PML: variants seen among roughly 807,000 people sequenced by gnomAD.
The protein encoded by PML is PML nuclear body scaffold, also known as protein PML.
Under a neutral mutation model 65.2 loss-of-function variants are expected in PML, and 28 were observed. The observed-to-expected ratio is 0.43, with a 90% CI of 0.32 to 0.59. The LOEUF (loss-of-function observed/expected upper bound fraction) is 0.59, where lower values mean the gene tolerates loss of function less well. PML is among the 20% of genes least tolerant of loss of function. The pLI is 0.08. For missense variants in PML, 1,021 were observed against 1,203.4 expected, an observed-to-expected ratio of 0.85 and a Z score of 2.24; for synonymous variants, 500 against 508.8, an observed-to-expected ratio of 0.98 and a Z score of 0.23.
chr15:74,038,623 A>G (rs368788291), intron 7 of PML, among the ~76,000 whole-genome samples: 16 of 152,144 alleles, frequency 1.1e-4, no homozygotes, highest in African/African-American at 3.6e-4. Context: ...CCCAGAGTAC[A>G]CCCAGCACCA....
At position 74,044,668 on chromosome 15, in the gene PML, A is replaced by G; in HGVS notation, c.2309A>G (p.Tyr770Cys). The change falls in exon 9 of 9, where the codon TAC (tyrosine) becomes TGC (cysteine). Residue 770 changes from tyrosine to cysteine, a missense_variant. Coordinates refer to ENST00000268058, the MANE Select transcript of PML (RefSeq NM_033238.3). Reference protein sequence around the residue: ...SPGPQLAQHVYPFSSLQCFAS... With the variant: ...SPGPQLAQHVCPFSSLQCFAS... ...GGCCCCCAGCTGGCCCAGCATGTCT[A>G]CCCCTTCAGTAGCCTGCAGTGCTTT... 1 of 1,605,734 alleles carries G rather than the reference A, an allele frequency of 6.2e-7. No homozygotes were observed. The highest frequency in any genetic ancestry group is 8.5e-7 in the Non-Finnish European group (1 of 1,179,876).
intron 2 of PML, among the ~76,000 whole-genome samples, chr15:74,006,390 C>CAAAAAAAAAAAAAAAA (rs372202858): frequency 4.6e-5 from 4 of 87,502 alleles, no homozygotes; most frequent in Admixed American, 2.8e-4. Context: ...GACTCCGTCT[C>CAAAAAAAAAAAAAAAA]AAAAAAAAAA....
At chr15:73,999,321 G>A (rs548906463) in intron 2 of PML, among the ~76,000 whole-genome samples, 4 of 152,288 alleles carry the variant, frequency 2.6e-5, no homozygotes, top group African/African-American at 9.6e-5. Flanking sequence ...GGCGCTTCTT[G>A]GTTCTTAGAG....
In PML at chr15:74,023,068, G is replaced by A. The variant is rs2070913165; in HGVS notation, c.843G>A (p.Glu281=). ...CCGAGACCGAGGAGCTGATCCGCGA[G>A]CGCGTGCGCCAGGTGGTAGCTCACG... ...ARAETEELIR[E]RVRQVVAHVR... is the part of the protein sequence containing the mutation. The change falls in exon 3 of 9, where the codon GAG becomes GAA. Residue 281 remains glutamate (E), a synonymous_variant. Coordinates refer to ENST00000268058, the MANE Select transcript of PML (RefSeq NM_033238.3). The A allele has an allele frequency of 6.2e-7, 1 of 1,602,804 alleles. No individual in the cohort carries two copies. The highest frequency in any genetic ancestry group is 1.3e-5 in the African/African-American group (1 of 74,854).
At position 74,035,035 on chromosome 15, in the gene PML, T is replaced by C. The variant is rs2071481808; in HGVS notation, c.1710+505T>C. 2.7e-6 allele frequency: 4 copies of C among 1,480,302 alleles called. No homozygotes were observed. In the South Asian group the frequency reaches 4.5e-5, roughly 17 times the overall value. The allele number at this position is 1,480,302 out of a possible 1,614,324, so 91.7% of individuals were successfully genotyped here. On this transcript the variant is annotated intron_variant, in intron 7 of 8. Transcript: ENST00000268058. The surrounding 1 kb of genome is among the most constrained non-coding windows in gnomAD (Gnocchi z 4.1). Reference sequence around the variant, plus strand: ...GTGGCCTCGTGGGTAGTGACCCTTCTGTCCCTAGAGGTTTATTACTAGAGG... The same window carrying C: ...GTGGCCTCGTGGGTAGTGACCCTTCCGTCCCTAGAGGTTTATTACTAGAGG...
chr15:74,046,588 A>C lies in PML; in HGVS notation c.*1580A>C. 4.3e-6 allele frequency: 1 copy of C among 232,726 alleles called. No homozygotes were observed. Among genetic ancestry groups the C allele is most frequent in the Non-Finnish European group, 8.5e-6 (1 of 117,662 alleles). 14.4% of individuals were successfully genotyped at this position (232,726 alleles called of 1,614,324 possible). A position where few individuals can be genotyped will look rare whatever the true frequency, so the allele number is the denominator to read the frequency against. The stretch of plus-strand genomic sequence containing the variant: ...ATTTAAAATAAGATTCTGATGCCAG[A>C]CTGTTAAAACAGGCGCTGGTTCTGA... On this transcript the variant is annotated 3_prime_UTR_variant, in exon 9 of 9. Coordinates refer to ENST00000268058, the MANE Select transcript of PML (RefSeq NM_033238.3).
At chr15:73,997,053 C>A (rs1164181328) in intron 1 of PML, among the ~76,000 whole-genome samples, 1 of 152,302 alleles carries the variant, frequency 6.6e-6, no homozygotes, top group South Asian at 2.1e-4. Flanking sequence ...GCTCAAGGAC[C>A]CCAGTTACAG....
At chr15:74,024,975 TCAGG>T in intron 4 of PML, 48 bp downstream of exon 4, 1 of 1,327,604 alleles carries the variant, frequency 7.5e-7, no homozygotes, top group African/African-American at 1.4e-5. Context: ...GCCCAGCAGG[TCAGG>T]CAGGTTGTGA....
intron 2 of PML, 53 bp downstream of exon 2, chr15:73,998,529 C>A: frequency 6.8e-7 from 1 of 1,464,622 alleles, no homozygotes; most frequent in Non-Finnish European, 9.5e-7. Context: ...AGGTAGAGGG[C>A]GAGAGGAGCA....
At position 74,022,972 on chromosome 15, in the gene PML, G is replaced by A. The variant is rs772335766; in HGVS notation, c.747G>A (p.Glu249=). Residue 249 remains glutamate (E), a synonymous_variant, in exon 3 of 9, where the codon GAG becomes GAA. Transcript: ENST00000268058. ...ACGCCATGACGCAGGCGCTGCAGGA[G>A]CAGGATAGTGCCTTTGGCGCGGTTC... ...ELDAMTQALQ[E]QDSAFGAVHA... 1.2e-6 allele frequency: 2 copies of A among 1,610,422 alleles called. No homozygotes were observed. Among genetic ancestry groups the A allele is most frequent in the South Asian group, 1.1e-5 (1 of 90,764 alleles).
chr15:74,032,522 C>T, intron 4 of PML, 50 bp from the exon 5 acceptor site: 1 of 1,611,690 alleles, frequency 6.2e-7, no homozygotes, highest in Non-Finnish European at 8.5e-7. Context: ...GGTACCTGGC[C>T]CTGGGGCTGC....
chr15:74,012,889 T>A (rs929491200), intron 2 of PML, among the ~76,000 whole-genome samples: 6 of 152,198 alleles, frequency 3.9e-5, no homozygotes, highest in Non-Finnish European at 8.8e-5. Context: ...GTGTTGAGAA[T>A]GTCTTTGGGT....
chr15:74,036,687 C>A (rs539241630), intron 7 of PML, among the ~76,000 whole-genome samples: 89 of 152,206 alleles, frequency 5.8e-4, no homozygotes, highest in African/African-American at 2.0e-3. Flanking sequence ...TCATTGAGGG[C>A]AGACGTGAGC....
Position 74,042,333 on chromosome 15 carries a change from T to C in PML, c.1711-656T>C, listed in dbSNP as rs2071713624. 2.0e-6 allele frequency: 2 copies of C among 984,904 alleles called. No individual in the cohort carries two copies. The highest frequency in any genetic ancestry group is 3.5e-5 in the African/African-American group (2 of 57,230). The allele number at this position is 984,904 out of a possible 1,614,324, so 61.0% of individuals were successfully genotyped here. On this transcript the variant is annotated intron_variant, in intron 7 of 8. Transcript: ENST00000268058. The surrounding 1 kb of genome is among the most constrained non-coding windows in gnomAD (Gnocchi z 5.3). Reference sequence around the variant, plus strand: ...CCTGGGTGTCCACCTAGATGTGGCCTTCAGGAGGCCAAGCAGTCCTTCCCC... The same window carrying C: ...CCTGGGTGTCCACCTAGATGTGGCCCTCAGGAGGCCAAGCAGTCCTTCCCC...
rs747633287 is a variant in PML at position 74,032,627 on chromosome 15, C to T, written c.1310C>T (p.Ala437Val). ...AQVQALGLAE[A>V]QPMAVVQSVP... is the part of the protein sequence containing the mutation. Reference sequence around the variant, plus strand: ...GTTCAGGCCCTGGGGCTGGCTGAAGCCCAGCCTATGGCTGTGGTACAGTCA... The same window carrying T: ...GTTCAGGCCCTGGGGCTGGCTGAAGTCCAGCCTATGGCTGTGGTACAGTCA... Residue 437 changes from alanine (A) to valine (V), a missense_variant, in exon 5 of 9, where the codon GCC (alanine) becomes GTC (valine). Transcript: ENST00000268058. 9 of 1,613,982 alleles carry T rather than the reference C, an allele frequency of 5.6e-6. No individual in the cohort carries two copies. Among genetic ancestry groups the T allele is most frequent in the Non-Finnish European group, 7.6e-6 (9 of 1,179,924 alleles).
chr15:74,044,601 C>A lies in PML; in HGVS notation c.2242C>A (p.Leu748Met). 1 of 1,608,422 alleles carries A rather than the reference C, an allele frequency of 6.2e-7. No homozygotes were observed. The change falls in exon 9 of 9, where the codon CTG (leucine) becomes ATG (methionine). Residue 748 changes from leucine (L) to methionine (M), a missense_variant. Transcript: ENST00000268058. ...CGAGCGCAGCGCCATGGCTGCCGTG[C>A]TGGCCATGCGTGACCTGTGCCGCCT... Reference protein sequence around the residue: ...MSERSAMAAVLAMRDLCRLLE... With the variant: ...MSERSAMAAVMAMRDLCRLLE...
chr15:74,027,267 T>C (rs1052247823), intron 4 of PML: 2 of 152,220 alleles, frequency 1.3e-5, no homozygotes, highest in Admixed American at 6.5e-5. Context: ...TATAAAATAA[T>C]AAGGCCAGGT....
chr15:74,024,764 C>A, intron 3 of PML, 93 bp from the exon 4 acceptor site: 2 of 932,062 alleles, frequency 2.1e-6, no homozygotes, highest in Non-Finnish European at 3.6e-6. Context: ...CCTGGAAAAG[C>A]AACAGGGACC....
rs773375833 is a variant in PML, at chr15:74,044,600, G to A, written c.2241G>A (p.Val747=). 4.4e-6 allele frequency: 7 copies of A among 1,608,224 alleles called. No individual in the cohort carries two copies. Among genetic ancestry groups the A allele is most frequent in the Non-Finnish European group, 5.9e-6 (7 of 1,179,998 alleles). ...NMSERSAMAA[V]LAMRDLCRLL... is the part of the protein sequence containing the mutation. ...GCGAGCGCAGCGCCATGGCTGCCGTGCTGGCCATGCGTGACCTGTGCCGCC... is the reference window on the plus strand; with the variant it reads ...GCGAGCGCAGCGCCATGGCTGCCGTACTGGCCATGCGTGACCTGTGCCGCC... The change falls in exon 9 of 9, where the codon GTG becomes GTA. Residue 747 remains valine (V), a synonymous_variant. Transcript: ENST00000268058.
Sources: gnomAD v4.1 joint callset for allele counts (sites outside exome capture counted in the v4.1 genomes callset) on GRCh38, gnomAD v4.1.1 for gene constraint, Gnocchi (gnomAD v3.1) non-coding constraint, MANE v1.5 for transcripts, NCBI Gene and HGNC (gene_info 2026-07-23, HGNC 2026-07-21) for gene names.